The following DDX10 variants were observed in gnomAD, a reference collection of about 807,000 sequenced individuals.
DDX10 encodes the protein probable ATP-dependent RNA helicase DDX10.
A neutral mutation model predicts 104.3 loss-of-function variants in DDX10; 74 were observed. The observed-to-expected ratio is 0.71, with a 90% confidence interval of 0.59 to 0.86. DDX10 has a LOEUF of 0.86. Among genes scored for constraint, DDX10 ranks in the 40% least tolerant of loss-of-function variants. DDX10 has a pLI of 0.00. For synonymous variants in DDX10, 351 were observed against 353.4 expected (o/e 0.99, Z 0.08); for missense variants, 952 against 1,040.0 (o/e 0.92, Z 1.16).
At chr11:108,907,728 G>T (rs1863616322) in intron 16 of DDX10, among the ~76,000 whole-genome samples, 1 of 152,056 alleles carries the variant, frequency 6.6e-6, no homozygotes, top group African/African-American at 2.4e-5. Flanking sequence ...ATCAAAGTTG[G>T]GGTTTTCAAG....
chr11:108,870,999 G>A (rs114048161), intron 16 of DDX10, among the ~76,000 whole-genome samples: 150 of 152,310 alleles, frequency 9.8e-4, no homozygotes, highest in African/African-American at 3.4e-3. Flanking sequence ...CTCTAGGGAT[G>A]TTTCAGAATC....
chr11:108,689,010 T>C lies in DDX10; in HGVS notation c.923T>C (p.Leu308Ser). 1 of 1,614,154 alleles carries C rather than the reference T, an allele frequency of 6.2e-7. No individual in the cohort carries two copies. Residue 308 changes from leucine to serine, a missense_variant, in exon 7 of 18, where the codon TTG becomes TCG. This residue lies in a region of DDX10 where 412 missense variants were observed against 479.2 expected (regional missense o/e 0.86). Coordinates refer to ENST00000322536, the MANE Select transcript of DDX10 (RefSeq NM_004398.4). ...AAAATAAGTGTGCTGTATTCCTTTT[T>C]GAGAAGCCATCTGAAGAAGAAGAGC... ...QQKISVLYSFLRSHLKKKSIV... is the reference protein window; with the variant it reads ...QQKISVLYSFSRSHLKKKSIV...
At chr11:108,834,081 G>A (rs1452082758) in intron 13 of DDX10, among the ~76,000 whole-genome samples, 1 of 151,338 alleles carries the variant, frequency 6.6e-6, no homozygotes, top group Non-Finnish European at 1.5e-5. Flanking sequence ...TCAGCCTCTT[G>A]AGTAGCTAAG....
chr11:108,694,725 A>C (rs1212123189), intron 9 of DDX10, among the ~76,000 whole-genome samples: 5 of 152,066 alleles, frequency 3.3e-5, no homozygotes, highest in Admixed American at 2.0e-4. Flanking sequence ...CTACAAATAC[A>C]AAAAAATCAG....
chr11:108,829,082 A>G (rs778835862), intron 13 of DDX10, among the ~76,000 whole-genome samples: 2 of 150,898 alleles, frequency 1.3e-5, no homozygotes, highest in Non-Finnish European at 3.0e-5. Flanking sequence ...TCATATAATG[A>G]CTTCTTTTCC....
chr11:108,768,568 C>T (rs557526487), intron 13 of DDX10, among the ~76,000 whole-genome samples: 4 of 152,068 alleles, frequency 2.6e-5, no homozygotes, highest in Admixed American at 2.0e-4. Flanking sequence ...ATTTGTCTTG[C>T]GGCCTGGTTA....
At chr11:108,796,865 T>G (rs1216416492) in intron 13 of DDX10, among the ~76,000 whole-genome samples, 1 of 152,176 alleles carries the variant, frequency 6.6e-6, no homozygotes, top group African/African-American at 2.4e-5. Context: ...AAAGGACAAG[T>G]TTGGCCTCTT....
At chr11:108,786,266 C>G (rs536707421) in intron 13 of DDX10, among the ~76,000 whole-genome samples, 4 of 152,076 alleles carry the variant, frequency 2.6e-5, no homozygotes, top group African/African-American at 9.6e-5. Flanking sequence ...TGCTTTAAGA[C>G]TCAGCATGTG....
chr11:108,778,978 C>G (rs1489275085), intron 13 of DDX10, among the ~76,000 whole-genome samples: 10 of 152,110 alleles, frequency 6.6e-5, no homozygotes, highest in Non-Finnish European at 1.5e-4. Flanking sequence ...AAATCAAAAC[C>G]ACAATGGGAT....
rs545044823 is a variant in DDX10, at chr11:108,940,470, G to T, written c.*47G>T. On this transcript the variant is annotated 3_prime_UTR_variant, in exon 18 of 18. Transcript: ENST00000322536. ...TCCTTGAAACCTTGGTTATGACTGCGTAGGCAAGAAGTTGAAAAACAGTTG... is the reference window on the plus strand; with the variant it reads ...TCCTTGAAACCTTGGTTATGACTGCTTAGGCAAGAAGTTGAAAAACAGTTG... 3 of 1,588,918 alleles carry T rather than the reference G, an allele frequency of 1.9e-6. No homozygotes were observed. In the African/African-American group the frequency reaches 4.1e-5, roughly 21 times the overall value.
chr11:108,824,104 G>T (rs750778808), intron 13 of DDX10, among the ~76,000 whole-genome samples: 1 of 152,100 alleles, frequency 6.6e-6, no homozygotes, highest in Non-Finnish European at 1.5e-5. Flanking sequence ...GTGCAATGGC[G>T]CAATCTTGGC....
intron 10 of DDX10, among the ~76,000 whole-genome samples, chr11:108,713,160 C>T (rs2094286770): frequency 6.6e-6 from 1 of 152,084 alleles, no homozygotes; most frequent in Non-Finnish European, 1.5e-5. Context: ...CTTTTTCTGT[C>T]TCTCCCTCTC....
At chr11:108,694,345 A>G (rs560993126) in intron 9 of DDX10, among the ~76,000 whole-genome samples, 7 of 152,282 alleles carry the variant, frequency 4.6e-5, no homozygotes, top group Admixed American at 4.6e-4. Flanking sequence ...CCACAGAGCC[A>G]GGATTTGAAC....
At chr11:108,929,771 T>C (rs1210030423) in intron 17 of DDX10, 2 of 152,200 alleles carry the variant, frequency 1.3e-5, no homozygotes, top group East Asian at 3.8e-4. Flanking sequence ...AAAAATCTAA[T>C]GTGTTTTTAT....
intron 10 of DDX10, among the ~76,000 whole-genome samples, chr11:108,714,019 A>G (rs1224983859): frequency 6.6e-6 from 1 of 152,186 alleles, no homozygotes; most frequent in African/African-American, 2.4e-5. Context: ...CTTGACTTTC[A>G]TTAACAAGGC....
intron 13 of DDX10, among the ~76,000 whole-genome samples, chr11:108,736,273 A>G (rs1219230901): frequency 6.7e-6 from 1 of 150,220 alleles, no homozygotes; most frequent in Non-Finnish European, 1.5e-5. Context: ...TTCTGTTTAT[A>G]TGGCCATAAA....
chr11:108,735,030 A>C (rs1292848657), intron 13 of DDX10, among the ~76,000 whole-genome samples: 2 of 152,220 alleles, frequency 1.3e-5, no homozygotes, highest in Admixed American at 6.5e-5. Context: ...ACTGGATTCA[A>C]CTTTCACATT....
At chr11:108,813,273 T>C (rs1860751157) in intron 13 of DDX10, among the ~76,000 whole-genome samples, 1 of 146,742 alleles carries the variant, frequency 6.8e-6, no homozygotes, top group Admixed American at 7.0e-5. Flanking sequence ...GATGCCACTT[T>C]TTCTGCAAAC....
intron 16 of DDX10, among the ~76,000 whole-genome samples, chr11:108,876,778 A>G (rs1010135795): frequency 2.0e-5 from 3 of 152,180 alleles, no homozygotes; most frequent in Non-Finnish European, 4.4e-5. Flanking sequence ...CTTTTCTAGA[A>G]GAGAGAAATC....
Sources: gnomAD v4.1 joint callset for allele counts (sites outside exome capture counted in the v4.1 genomes callset) on GRCh38, gnomAD v4.1.1 for gene constraint, gnomAD v4.1.1 regional missense constraint, MANE v1.5 for transcripts, NCBI Gene and HGNC (gene_info 2026-07-23, HGNC 2026-07-21) for gene names.